ATP2C2: variants seen among roughly 807,000 people sequenced by gnomAD.
ATP2C2 encodes calcium-transporting ATPase type 2C member 2.
A neutral mutation model predicts 110.8 loss-of-function variants in ATP2C2; 171 were observed. The observed-to-expected ratio is 1.54, with a 90% CI of 1.36 to 1.75. ATP2C2 has a LOEUF of 1.75. Among genes scored for constraint, ATP2C2 ranks in the 40% most tolerant of loss-of-function variants. The pLI, the probability that ATP2C2 is intolerant of heterozygous loss-of-function variation, is 0.00. For missense variants in ATP2C2, 1,963 were observed against 1,235.0 expected (o/e 1.59, Z -8.84); for synonymous variants, 804 against 508.4 (o/e 1.58, Z -7.82).
In ATP2C2 at chr16:84,448,577, G is replaced by A. The variant is rs1567734624; in HGVS notation, c.1548G>A (p.Val516=). The part of the protein sequence containing the change: ...IYFMKGALEE[V]IRYCTMYNNG... Reference sequence around the variant, plus strand: ...TCATGAAAGGGGCCTTGGAAGAGGTGATCCGCTACTGCACCATGTACAACA... The same window carrying A: ...TCATGAAAGGGGCCTTGGAAGAGGTAATCCGCTACTGCACCATGTACAACA... Residue 516 remains valine (V), a synonymous_variant, in exon 17 of 27, where the codon GTG becomes GTA. Coordinates refer to ENST00000262429, the MANE Select transcript of ATP2C2 (RefSeq NM_014861.4). 2 of 1,613,822 alleles carry A rather than the reference G, an allele frequency of 1.2e-6. No homozygotes were observed. The highest frequency in any genetic ancestry group is 1.7e-6 in the Non-Finnish European group (2 of 1,179,826).
rs62640937 is a variant in ATP2C2, at chr16:84,459,274, A to C, written c.2221A>C (p.Ile741Leu). Residue 741 changes from isoleucine to leucine, a missense_variant, in exon 23 of 27, where the codon ATC becomes CTC. Coordinates refer to ENST00000262429, the MANE Select transcript of ATP2C2 (RefSeq NM_014861.4). ...NFVRFQLSTS[I>L]SALSLITLST... ...CTGGCTGCGTGTGCCCCGCAGGAGC[A>C]TCTCCGCCCTGAGTCTCATCACTCT... 543 of 1,614,072 alleles carry C rather than the reference A, an allele frequency of 3.4e-4. 1 individual carries two copies. The highest frequency in any genetic ancestry group is 4.4e-4 in the Non-Finnish European group (522 of 1,180,032).
intron 26 of ATP2C2, chr16:84,462,973 T>G (rs1435737898): frequency 6.5e-6 from 1 of 153,910 alleles, no homozygotes; most frequent in Admixed American, 6.4e-5. Flanking sequence ...CAAAAAGCAG[T>G]GTCAGTGTGG....
chr16:84,415,406 CCTT>C, intron 6 of ATP2C2, 74 bp from the exon 7 acceptor site: 1 of 1,211,374 alleles, frequency 8.3e-7, no homozygotes, highest in Non-Finnish European at 1.2e-6. Flanking sequence ...TTTCTATTCT[CCTT>C]GTTCAAATGT....
chr16:84,444,871 C>G (rs191430590), intron 15 of ATP2C2, among the ~76,000 whole-genome samples: 12 of 152,222 alleles, frequency 7.9e-5, no homozygotes, highest in African/African-American at 2.9e-4. Context: ...CTTTGTGGTT[C>G]TTACCTGTCT....
chr16:84,423,336 C>T lies in ATP2C2; in HGVS notation c.919+73C>T, dbSNP rs143680229. 777 of 1,408,350 alleles carry T rather than the reference C, an allele frequency of 5.5e-4. 4 individuals carry two copies. The African/African-American group carries it at 9.8e-3, about 18-fold the overall frequency. 87.2% of individuals were successfully genotyped at this position (1,408,350 alleles called of 1,614,324 possible). ...AGCCATCATAGGGGGGTTGCCATGG[C>T]CGTTTCTCAAATATCTTGCTACTCA... On this transcript the variant is annotated intron_variant, in intron 10 of 26. Coordinates refer to ENST00000262429, the MANE Select transcript of ATP2C2 (RefSeq NM_014861.4).
chr16:84,391,574 T>C (rs1205706365), intron 1 of ATP2C2, among the ~76,000 whole-genome samples: 3 of 152,172 alleles, frequency 2.0e-5, no homozygotes, highest in African/African-American at 4.8e-5. Flanking sequence ...AATATAGCCA[T>C]GTGCTGGCAG....
chr16:84,397,956 C>T (rs1905093678), intron 1 of ATP2C2, among the ~76,000 whole-genome samples: 1 of 151,816 alleles, frequency 6.6e-6, no homozygotes, highest in African/African-American at 2.4e-5. Context: ...AGGATTGAAA[C>T]CATGACAGCA....
Position 84,410,612 on chromosome 16 carries a change from T to C in ATP2C2, c.453+9T>C, listed in dbSNP as rs779878612. On this transcript the variant is annotated intron_variant, in intron 5 of 26. Transcript: ENST00000262429. ...CTGTCGCCTTCATCCAGGTGAGTATTTCCTGAGGTCCCAGTCAGGGTAAGC... is the reference window on the plus strand; with the variant it reads ...CTGTCGCCTTCATCCAGGTGAGTATCTCCTGAGGTCCCAGTCAGGGTAAGC... 4.3e-6 allele frequency: 7 copies of C among 1,614,102 alleles called. No individual in the cohort carries two copies. The highest frequency in any genetic ancestry group is 5.1e-6 in the Non-Finnish European group (6 of 1,179,986).
chr16:84,440,903 C>G lies in ATP2C2; in HGVS notation c.1256C>G (p.Pro419Arg), dbSNP rs541810475. 6.1e-5 allele frequency: 98 copies of G among 1,613,670 alleles called. 2 individuals are homozygous for G. In the South Asian group the frequency reaches 9.5e-4, roughly 16 times the overall value. ...GGTCAAGGGACTGTGTGTCTTCTAC[C>G]ATCCAAGGAAGTCATTAAGGAATTT... ...YDGQGTVCLL[P>R]SKEVIKEFSN... Residue 419 changes from proline to arginine, a missense_variant, in exon 14 of 27, where the codon CCA becomes CGA. Physicochemically the swap from Pro to Arg is moderately radical, Grantham distance 103. Coordinates refer to ENST00000262429, the MANE Select transcript of ATP2C2 (RefSeq NM_014861.4).
rs571566540 is a variant in ATP2C2 at position 84,416,856 on chromosome 16, C to T, written c.624+1265C>T. ...GGAACGGCTGTCTGTGGCCAATCCC[C>T]GCCTACAAGGAGGACTGGGGAAGCT... On this transcript the variant is annotated intron_variant, in intron 7 of 26. Transcript: ENST00000262429. Among the ~76,000 whole-genome samples, 20 of 152,292 alleles carry T rather than the reference C, an allele frequency of 1.3e-4. No homozygotes were observed. The South Asian group carries it at 3.9e-3, about 30-fold the overall frequency.
At chr16:84,461,401 C>T in intron 24 of ATP2C2, 1 of 498,080 alleles carries the variant, frequency 2.0e-6, no homozygotes, top group South Asian at 2.5e-5. Flanking sequence ...TAGGAAATGA[C>T]CTTCACTCTG....
chr16:84,428,266 A>G (rs1907964312), intron 11 of ATP2C2, among the ~76,000 whole-genome samples: 1 of 152,224 alleles, frequency 6.6e-6, no homozygotes, highest in African/African-American at 2.4e-5. Context: ...GTGCATAGTC[A>G]GGCTTGCCTG....
intron 1 of ATP2C2, among the ~76,000 whole-genome samples, chr16:84,369,597 A>G (rs1391454260): frequency 6.6e-6 from 1 of 151,952 alleles, no homozygotes; most frequent in Non-Finnish European, 1.5e-5. Flanking sequence ...TGACTTGGCG[A>G]TGGCCTTTTG....
At chr16:84,369,789 AAT>A (rs1909845804) in intron 1 of ATP2C2, among the ~76,000 whole-genome samples, 1 of 152,222 alleles carries the variant, frequency 6.6e-6, no homozygotes, top group South Asian at 2.1e-4. Flanking sequence ...CTTTTTTAAA[AAT>A]AGTGTTTTAT....
rs1291075607 is a variant in ATP2C2 at position 84,460,797 on chromosome 16, A to C, written c.2477A>C (p.Lys826Thr). The C allele has an allele frequency of 6.2e-7, 1 of 1,611,838 alleles. No individual in the cohort carries two copies. The highest frequency in any genetic ancestry group is 1.3e-5 in the African/African-American group (1 of 74,900). ...AGCGGGACCCTCTTTATCTTCTGGA[A>C]GGAGGTGAGCGAGGGTCACCCCGGC... is the stretch of plus-strand genomic sequence containing the variant. The part of the protein sequence containing the change: ...IISGTLFIFW[K>T]EMPEDRASTP... Residue 826 changes from lysine to threonine, a missense_variant, in exon 24 of 27, where the codon AAG (lysine) becomes ACG (threonine). Coordinates refer to ENST00000262429, the MANE Select transcript of ATP2C2 (RefSeq NM_014861.4).
chr16:84,452,159 C>G, intron 18 of ATP2C2, 68 bp downstream of exon 18: 1 of 1,584,468 alleles, frequency 6.3e-7, no homozygotes, highest in Non-Finnish European at 8.6e-7. Flanking sequence ...GGGGCTGCTA[C>G]CAAAGGGAAG....
intron 1 of ATP2C2, among the ~76,000 whole-genome samples, chr16:84,391,476 C>G (rs1904659781): frequency 6.6e-6 from 1 of 152,202 alleles, no homozygotes; most frequent in Admixed American, 6.5e-5. Flanking sequence ...TCCATGCAGT[C>G]AAATTAAAAT....
chr16:84,429,852 C>T (rs35195521), intron 11 of ATP2C2, among the ~76,000 whole-genome samples: 15,338 of 151,958 alleles, frequency 0.1, 897 homozygotes, highest in South Asian at 0.22. Flanking sequence ...TTCTAGAGGC[C>T]AGAAGTCCGA....
At chr16:84,429,045 C>T (rs899743333) in intron 11 of ATP2C2, among the ~76,000 whole-genome samples, 3 of 152,114 alleles carry the variant, frequency 2.0e-5, no homozygotes, top group Non-Finnish European at 4.4e-5. Flanking sequence ...ATAATGAAAC[C>T]CAAGGGGGTC....
Sources: gnomAD v4.1 joint callset for allele counts (sites outside exome capture counted in the v4.1 genomes callset) on GRCh38, gnomAD v4.1.1 for gene constraint, MANE v1.5 for transcripts, NCBI Gene and HGNC (gene_info 2026-07-23, HGNC 2026-07-21) for gene names.